Variants in PTPRT observed in about 807,000 individuals in gnomAD.
The protein encoded by PTPRT is protein tyrosine phosphatase receptor type T, also known as receptor-type tyrosine-protein phosphatase T.
Under a neutral mutation model 176.8 loss-of-function variants are expected in PTPRT, and 56 were observed. The ratio of observed to expected loss-of-function variants is 0.32; its 90% confidence interval spans 0.26 to 0.40. The LOEUF is 0.40. PTPRT is among the 10% of genes least tolerant of loss of function. The pLI, the probability that PTPRT is intolerant of heterozygous loss-of-function variation, is 1.00. For missense variants in PTPRT, 1,540 were observed against 1,908.2 expected, an observed-to-expected ratio of 0.81 and a Z score of 3.60; for synonymous variants, 783 against 739.0, an observed-to-expected ratio of 1.06 and a Z score of -0.96.
At chr20:42,113,334 T>C (rs983842331) in intron 22 of PTPRT, among the ~76,000 whole-genome samples, 3 of 152,236 alleles carry the variant, frequency 2.0e-5, no homozygotes, top group African/African-American at 7.2e-5. Context: ...ACTCATCCCA[T>C]CCTCGGGCAT....
Position 42,224,223 on chromosome 20 carries a change from G to C in PTPRT, c.2342+12006C>G, listed in dbSNP as rs547809488. Among the ~76,000 whole-genome samples, 15 of 152,334 alleles carry C rather than the reference G, an allele frequency of 9.8e-5. No individual in the cohort carries two copies. In the East Asian group the frequency reaches 2.5e-3, roughly 25 times the overall value. On this transcript the variant is annotated intron_variant, in intron 15 of 30. Transcript: ENST00000373187. ...GCTTCTGAACACACATTTCTGAGGAGATAATCATGGTGGAGGTGACTTTAC... is the reference window on the plus strand; with the variant it reads ...GCTTCTGAACACACATTTCTGAGGACATAATCATGGTGGAGGTGACTTTAC...
Position 43,189,759 on chromosome 20 carries a change from C to G in PTPRT, c.-26G>C, listed in dbSNP as rs2015494561. On this transcript the variant is annotated 5_prime_UTR_variant, in exon 1 of 31. Coordinates refer to ENST00000373187, the MANE Select transcript of PTPRT (RefSeq NM_007050.6). This position sits in a 1 kb window ranked among gnomAD's most constrained non-coding sequence, Gnocchi z 5.0. Reference sequence around the variant, plus strand: ...CCGGGCGGCGGCGGGCAGCTCAGCCCCTTCCCGCGGGGGCCGGGGCCGGGA... The same window carrying G: ...CCGGGCGGCGGCGGGCAGCTCAGCCGCTTCCCGCGGGGGCCGGGGCCGGGA... The G allele has an allele frequency of 5.2e-6, 6 of 1,164,680 alleles. No individual in the cohort carries two copies. The East Asian group carries it at 2.0e-4, about 38-fold the overall frequency. The allele number at this position is 1,164,680 out of a possible 1,614,324, so 72.1% of individuals were successfully genotyped here. A position where few individuals can be genotyped will look rare whatever the true frequency, so the allele number is the denominator to read the frequency against.
At chr20:42,691,893 C>T (rs1804842531) in intron 6 of PTPRT, among the ~76,000 whole-genome samples, 1 of 152,130 alleles carries the variant, frequency 6.6e-6, no homozygotes, top group African/African-American at 2.4e-5. Flanking sequence ...AGGAAGAGAA[C>T]ATGAGGAAAC....
intron 7 of PTPRT, among the ~76,000 whole-genome samples, chr20:42,486,713 A>T (rs1003706986): frequency 2.0e-5 from 3 of 151,782 alleles, no homozygotes; most frequent in Non-Finnish European, 4.4e-5. Flanking sequence ...GCATGGCTCC[A>T]GGCTATGAGT....
At chr20:42,609,501 A>G (rs1404062118) in intron 7 of PTPRT, among the ~76,000 whole-genome samples, 2 of 152,218 alleles carry the variant, frequency 1.3e-5, no homozygotes, top group African/African-American at 2.4e-5. Flanking sequence ...TGTTATGGCC[A>G]ATGTCACATG....
At chr20:42,901,362 C>T (rs533372821) in intron 1 of PTPRT, among the ~76,000 whole-genome samples, 28 of 152,282 alleles carry the variant, frequency 1.8e-4, no homozygotes, top group Admixed American at 2.6e-4. Context: ...AAGCTCTCAA[C>T]AAACATTAGT....
the PTPRT span, among the ~76,000 whole-genome samples, chr20:42,032,532 C>T: frequency 2.0e-5 from 3 of 152,118 alleles, no homozygotes; most frequent in Non-Finnish European, 2.9e-5. Context: ...TCATGAGATT[C>T]CTTATTGATC....
chr20:42,482,767 C>T (rs73273311), intron 7 of PTPRT, among the ~76,000 whole-genome samples: 5,571 of 152,208 alleles, frequency 0.037, 272 homozygotes, highest in African/African-American at 0.11. Context: ...CTTTCTTCTT[C>T]ATTTACCCTG....
chr20:42,293,101 C>A (rs1314849068), intron 12 of PTPRT, among the ~76,000 whole-genome samples: 1 of 152,218 alleles, frequency 6.6e-6, no homozygotes, highest in African/African-American at 2.4e-5. Flanking sequence ...CCACTTGAGG[C>A]AATAGCCAAG....
intron 5 of PTPRT, among the ~76,000 whole-genome samples, chr20:42,770,654 C>A (rs775052535): frequency 1.3e-5 from 2 of 152,036 alleles, no homozygotes; most frequent in African/African-American, 4.8e-5. Context: ...CCATAAAAAG[C>A]GACTCTCTAA....
chr20:42,546,479 G>GA (rs34198393), intron 7 of PTPRT, among the ~76,000 whole-genome samples: 42,444 of 147,278 alleles, frequency 0.29, 6,745 homozygotes, highest in East Asian at 0.44. Flanking sequence ...GACAAAAAAA[G>GA]AAAAAAAAAA....
chr20:42,961,033 A>G (rs922772669), intron 1 of PTPRT, among the ~76,000 whole-genome samples: 1 of 152,352 alleles, frequency 6.6e-6, no homozygotes, highest in Admixed American at 6.5e-5. Context: ...GTGTTCATAA[A>G]TTCAAGAAAA....
At chr20:43,089,385 A>G (rs1423528018) in intron 1 of PTPRT, among the ~76,000 whole-genome samples, 1 of 152,224 alleles carries the variant, frequency 6.6e-6, no homozygotes, top group Non-Finnish European at 1.5e-5. Context: ...TAAACATCCA[A>G]CAATGAGGCA....
At chr20:42,845,602 G>C (rs1453356456) in intron 2 of PTPRT, among the ~76,000 whole-genome samples, 2 of 152,064 alleles carry the variant, frequency 1.3e-5, no homozygotes, top group African/African-American at 2.4e-5. Context: ...TACCCACGTG[G>C]GTCACACAGC....
intron 16 of PTPRT, among the ~76,000 whole-genome samples, chr20:42,188,811 T>C (rs556600323): frequency 2.6e-5 from 4 of 152,308 alleles, no homozygotes; most frequent in South Asian, 4.1e-4. Context: ...TGGCCTAGGA[T>C]AAATTGTCAA....
In PTPRT at chr20:43,136,745, T is replaced by A. The variant is rs1028129605; in HGVS notation, c.88+52901A>T. On this transcript the variant is annotated intron_variant, in intron 1 of 30. Transcript: ENST00000373187. ...TGTGCCTCAGCTAGTAAGCGCTTGA[T>A]CTCATTGTCTTCCTAATAAAATGAA... Among the ~76,000 whole-genome samples the A allele has an allele frequency of 2.0e-5, 3 of 152,256 alleles. No homozygotes were observed. The East Asian group carries it at 5.8e-4, about 29-fold the overall frequency.
At chr20:42,604,630 C>T (rs916459327) in intron 7 of PTPRT, among the ~76,000 whole-genome samples, 6 of 152,168 alleles carry the variant, frequency 3.9e-5, no homozygotes, top group African/African-American at 1.4e-4. Flanking sequence ...CTCATGCACA[C>T]ATCCACTAGG....
chr20:43,096,115 T>A (rs1333918395), intron 1 of PTPRT, among the ~76,000 whole-genome samples: 2 of 135,516 alleles, frequency 1.5e-5, no homozygotes, highest in Non-Finnish European at 3.2e-5. Flanking sequence ...TCCCCATCTC[T>A]CCTCTCTCTC....
chr20:42,451,628 A>G lies in PTPRT; in HGVS notation c.1451-3299T>C, dbSNP rs143199929. Among the ~76,000 whole-genome samples the G allele has an allele frequency of 2.4e-3, 367 of 152,280 alleles. 2 individuals carry two copies. The highest frequency in any genetic ancestry group is 8.0e-3 in the African/African-American group (331 of 41,556). ...GAGGCAACCAGAAAACCAGGAAGGT[A>G]AGCCGTCATTGTAGCATCCAAAGAA... is the stretch of plus-strand genomic sequence containing the variant. On this transcript the variant is annotated intron_variant, in intron 8 of 30. Coordinates refer to ENST00000373187, the MANE Select transcript of PTPRT (RefSeq NM_007050.6).
Sources: gnomAD v4.1 joint callset for allele counts (sites outside exome capture counted in the v4.1 genomes callset) on GRCh38, gnomAD v4.1.1 for gene constraint, Gnocchi (gnomAD v3.1) non-coding constraint, MANE v1.5 for transcripts, NCBI Gene and HGNC (gene_info 2026-07-23, HGNC 2026-07-21) for gene names.